The following MGAT4B variants were observed in gnomAD, a reference collection of about 807,000 sequenced individuals.
MGAT4B encodes alpha-1,3-mannosyl-glycoprotein 4-beta-N-acetylglucosaminyltransferase B, also known as N-acetylglucosaminyltransferase IVb.
A neutral mutation model predicts 73.9 loss-of-function variants in MGAT4B; 38 were observed. The observed-to-expected ratio is 0.51, with a 90% confidence interval of 0.40 to 0.67. The LOEUF is 0.67. Ranked by LOEUF, MGAT4B falls within the 30% of genes least tolerant of loss-of-function variation. MGAT4B has a pLI of 0.00. For synonymous variants in MGAT4B, 373 were observed against 313.5 expected, an observed-to-expected ratio of 1.19 and a Z score of -2.01; for missense variants, 686 against 735.2, an observed-to-expected ratio of 0.93 and a Z score of 0.77.
Position 179,797,785 on chromosome 5 carries a change from T to A in MGAT4B, c.*260A>T, listed in dbSNP as rs1202370259. Reference sequence around the variant, plus strand: ...AAAAGCTCTTCTAAAACGGCCTGACTGGGGCAGGCCGGGTGCGAACGGTTC... The same window carrying A: ...AAAAGCTCTTCTAAAACGGCCTGACAGGGGCAGGCCGGGTGCGAACGGTTC... On this transcript the variant is annotated 3_prime_UTR_variant, in exon 15 of 15. Transcript: ENST00000292591. The A allele has an allele frequency of 4.5e-6, 2 of 445,740 alleles. No homozygotes were observed. The highest frequency in any genetic ancestry group is 3.9e-5 in the East Asian group (1 of 25,376). The allele number at this position is 445,740 out of a possible 1,614,324, so 27.6% of individuals were successfully genotyped here. A position where few individuals can be genotyped will look rare whatever the true frequency, so the allele number is the denominator to read the frequency against.
intron 1 of MGAT4B, among the ~76,000 whole-genome samples, chr5:179,804,762 C>T (rs1200708288): frequency 6.6e-6 from 1 of 152,184 alleles, no homozygotes. Context: ...CGACTGGCTA[C>T]GTCTGGTTTC....
intron 1 of MGAT4B, 136 bp from the exon 2 acceptor site, chr5:179,802,105 G>A (rs749362076): frequency 9.0e-6 from 14 of 1,556,928 alleles, no homozygotes; most frequent in East Asian, 2.3e-5. Flanking sequence ...CCTGCCACAC[G>A]TGACATAGCT....
Position 179,799,040 on chromosome 5 carries a change from G to A in MGAT4B, c.1231C>T (p.Gln411Ter). ...AEVSTSLKTY[Q>*]HFTLEKAYLR... is the part of the protein sequence containing the mutation. ...TAGGCTTTCTCCAGGGTGAAGTGCT[G>A]GTATGTCTTCAGGCTCGTGCTCACC... is the stretch of plus-strand genomic sequence containing the variant. Residue 411 changes from glutamine to a stop codon, truncating the protein, a stop_gained, in exon 11 of 15, where the codon CAG becomes TAG. Coordinates refer to ENST00000292591, the MANE Select transcript of MGAT4B (RefSeq NM_014275.5). LOFTEE classifies it high-confidence loss of function. 1.2e-6 allele frequency: 2 copies of A among 1,613,990 alleles called. No homozygotes were observed. Among genetic ancestry groups the A allele is most frequent in the South Asian group, 1.1e-5 (1 of 91,090 alleles).
rs1388766416 is a variant in MGAT4B, at chr5:179,806,516, G to A, written c.68C>T (p.Ser23Phe). ...CTGGCCGCTGAGTGCCGCGTACCAGGACAGCGAGAGGAAGGCGCACAGGCA... is the reference window on the plus strand; with the variant it reads ...CTGGCCGCTGAGTGCCGCGTACCAGAACAGCGAGAGGAAGGCGCACAGGCA... ...LFCLCAFLSL[S>F]WYAALSGQKG... Residue 23 changes from serine to phenylalanine, a missense_variant, in exon 1 of 15, where the codon TCC becomes TTC. By Grantham distance (155) the Ser-to-Phe change is radical. Transcript: ENST00000292591. The surrounding 1 kb of genome is among the most constrained non-coding windows in gnomAD (Gnocchi z 4.6). The A allele has an allele frequency of 7.5e-7, 1 of 1,338,480 alleles. No homozygotes were observed. The highest frequency in any genetic ancestry group is 9.8e-7 in the Non-Finnish European group (1 of 1,019,566). The allele number at this position is 1,338,480 out of a possible 1,614,324, so 82.9% of individuals were successfully genotyped here. A position where few individuals can be genotyped will look rare whatever the true frequency, so the allele number is the denominator to read the frequency against.
Position 179,800,565 on chromosome 5 carries a change from T to C in MGAT4B, c.638A>G (p.Glu213Gly). The change falls in exon 6 of 15, where the codon GAG becomes GGG. Residue 213 changes from glutamate (E) to glycine (G), a missense_variant. Physicochemically the swap from Glu to Gly is moderately conservative, Grantham distance 98. This residue lies in a region of MGAT4B where 449 missense variants were observed against 536.8 expected (regional missense o/e 0.84). Coordinates refer to ENST00000292591, the MANE Select transcript of MGAT4B (RefSeq NM_014275.5). The part of the protein sequence containing the change: ...FPTEIHSGLL[E>G]VISPSPHFYP... ...GAAGTGGGGGGAGGGTGAGATGACC[T>C]CCAGGAGCCCAGAATGGATCTCCGT... 6.2e-7 allele frequency: 1 copy of C among 1,611,572 alleles called. No homozygotes were observed. Among genetic ancestry groups the C allele is most frequent in the Non-Finnish European group, 8.5e-7 (1 of 1,179,412 alleles).
At chr5:179,804,384 G>A (rs752748978) in intron 1 of MGAT4B, among the ~76,000 whole-genome samples, 4 of 152,200 alleles carry the variant, frequency 2.6e-5, no homozygotes, top group Non-Finnish European at 5.9e-5. Flanking sequence ...TGGGGAGGCG[G>A]ACAGCCTGAA....
rs778314434 is a variant in MGAT4B, at chr5:179,798,080, G to A, written c.1624-12C>T. 2.2e-5 allele frequency: 36 copies of A among 1,608,586 alleles called. No homozygotes were observed. Among genetic ancestry groups the A allele is most frequent in the Non-Finnish European group, 2.6e-5 (31 of 1,178,084 alleles). ...TTTTTCAGGAAGATCTGGAAGAGCCGGACCCAGGGTCAGCAGGGCCTCTGA... is the reference window on the plus strand; with the variant it reads ...TTTTTCAGGAAGATCTGGAAGAGCCAGACCCAGGGTCAGCAGGGCCTCTGA... On this transcript the variant is annotated splice_polypyrimidine_tract_variant and intron_variant, in intron 14 of 14. Coordinates refer to ENST00000292591, the MANE Select transcript of MGAT4B (RefSeq NM_014275.5).
At position 179,797,864 on chromosome 5, in the gene MGAT4B, G is replaced by T; in HGVS notation, c.*181C>A. The T allele has an allele frequency of 1.2e-6, 1 of 822,430 alleles. No homozygotes were observed. Among genetic ancestry groups the T allele is most frequent in the South Asian group, 1.9e-5 (1 of 52,756 alleles). The allele number at this position is 822,430 out of a possible 1,614,324, so 50.9% of individuals were successfully genotyped here. ...CTGCCTCCTCCGCGGCCCGGCGGGC[G>T]GGGGCAGCACCAGCTCCTAGGGCCT... On this transcript the variant is annotated 3_prime_UTR_variant, in exon 15 of 15. Coordinates refer to ENST00000292591, the MANE Select transcript of MGAT4B (RefSeq NM_014275.5).
At position 179,798,407 on chromosome 5, in the gene MGAT4B, G is replaced by A. The variant is rs773714351; in HGVS notation, c.1450C>T (p.Gln484Ter). ...CGGAGGGTGGCGGTGCGGCCCTCCT[G>A]CAGGGCCTCCTTGTCTGACTGAGGG... is the stretch of plus-strand genomic sequence containing the variant. ...DNPQSDKEAL[Q>*]EGRTATLRYP... The change falls in exon 13 of 15, where the codon CAG becomes TAG. Residue 484 changes from glutamine to a stop codon, truncating the protein, a stop_gained. Coordinates refer to ENST00000292591, the MANE Select transcript of MGAT4B (RefSeq NM_014275.5). LOFTEE classifies it high-confidence loss of function. 6.2e-7 allele frequency: 1 copy of A among 1,612,576 alleles called. No individual in the cohort carries two copies. The highest frequency in any genetic ancestry group is 8.5e-7 in the Non-Finnish European group (1 of 1,179,850).
chr5:179,798,307 C>A (rs1756741083), intron 13 of MGAT4B, 30 bp from the exon 14 acceptor site: 1 of 1,612,784 alleles, frequency 6.2e-7, no homozygotes, highest in Non-Finnish European at 8.5e-7. Context: ...AGAGGGTGTC[C>A]CTGAACCCCA....
At position 179,798,273 on chromosome 5, in the gene MGAT4B, G is replaced by A. The variant is rs777031623; in HGVS notation, c.1515C>T (p.Ser505=). 3.7e-6 allele frequency: 6 copies of A among 1,612,594 alleles called. No homozygotes were observed. The East Asian group carries it at 6.7e-5, about 18-fold the overall frequency. The change falls in exon 14 of 15, where the codon TCC becomes TCT. Residue 505 remains serine, a synonymous_variant. Transcript: ENST00000292591. ...CTCCCTCTGCCACTCCCTTGTAGAA[G>A]GAGCCTGTGGGAGGGCAGTGGTGAG... ...RSPDGYLQIG[S]FYKGVAEGEV...
rs1490797723 is a variant in MGAT4B at position 179,801,674 on chromosome 5, A to G, written c.304T>C (p.Trp102Arg). 1 of 1,608,544 alleles carries G rather than the reference A, an allele frequency of 6.2e-7. No individual in the cohort carries two copies. The highest frequency in any genetic ancestry group is 1.1e-5 in the South Asian group (1 of 89,900). The change falls in exon 3 of 15, where the codon TGG becomes CGG. Residue 102 changes from tryptophan to arginine, a missense_variant. Physicochemically the swap from Trp to Arg is moderately radical, Grantham distance 101. Transcript: ENST00000292591. This position sits in a 1 kb window ranked among gnomAD's most constrained non-coding sequence, Gnocchi z 4.8. ...AGCACGTGCCGGTGTGAGCCGTTCC[A>G]CGGCTTCAATCGGGGGTCCTCTGGG... ...RLTEDPRLKP[W>R]NGSHRHVLHL...
At position 179,806,509 on chromosome 5, in the gene MGAT4B, G is replaced by GT; in HGVS notation, c.74dup (p.Tyr25Ter). The GT allele has an allele frequency of 7.5e-7, 1 of 1,327,410 alleles. No individual in the cohort carries two copies. Among genetic ancestry groups the GT allele is most frequent in the Non-Finnish European group, 9.9e-7 (1 of 1,013,418 alleles). The allele number at this position is 1,327,410 out of a possible 1,614,324, so 82.2% of individuals were successfully genotyped here. A position where few individuals can be genotyped will look rare whatever the true frequency, so the allele number is the denominator to read the frequency against. Residue 25 changes from tyrosine to a stop codon, truncating the protein, a stop_gained and frameshift_variant, in exon 1 of 15, where the codon TAC (tyrosine) becomes TAAC (stop). Coordinates refer to ENST00000292591, the MANE Select transcript of MGAT4B (RefSeq NM_014275.5). LOFTEE classifies it high-confidence loss of function. This position sits in a 1 kb window ranked among gnomAD's most constrained non-coding sequence, Gnocchi z 4.6. ...CLCAFLSLSW[Y>*]AALSGQKGDV... Reference sequence around the variant, plus strand: ...CACCTTTCTGGCCGCTGAGTGCCGCGTACCAGGACAGCGAGAGGAAGGCGC... The same window carrying GT: ...CACCTTTCTGGCCGCTGAGTGCCGCGTTACCAGGACAGCGAGAGGAAGGCGC...
At chr5:179,800,646 G>C in intron 5 of MGAT4B, 49 bp from the exon 6 acceptor site, 1 of 1,361,658 alleles carries the variant, frequency 7.3e-7, no homozygotes, top group Non-Finnish European at 1.0e-6. Context: ...GGGGCTGAGA[G>C]GGGCCGAGCC....
chr5:179,802,573 G>A (rs937482584), intron 1 of MGAT4B: 45 of 994,066 alleles, frequency 4.5e-5, no homozygotes, highest in Middle Eastern at 1.0e-3. Flanking sequence ...CAACAGCAGC[G>A]AGGGGACTAG....
rs1390276455 is a variant in MGAT4B, at chr5:179,806,574, G to A, written c.10C>T (p.Arg4Cys). The change falls in exon 1 of 15, where the codon CGC (arginine) becomes TGC (cysteine). Residue 4 changes from arginine (R) to cysteine (C), a missense_variant. This residue lies in a region of MGAT4B where 237 missense variants were observed against 198.5 expected (regional missense o/e 1.19). Coordinates refer to ENST00000292591, the MANE Select transcript of MGAT4B (RefSeq NM_014275.5). The surrounding 1 kb of genome is among the most constrained non-coding windows in gnomAD (Gnocchi z 4.6). MRL[R>C]NGTFLTLLLF... ...AGCAGCGTCAGGAAGGTGCCATTGC[G>A]GAGCCTCATCTCCTCGGGTGCGCGG... The A allele has an allele frequency of 1.0e-5, 13 of 1,288,908 alleles. No individual in the cohort carries two copies. Among genetic ancestry groups the A allele is most frequent in the Non-Finnish European group, 1.3e-5 (13 of 990,382 alleles). The allele number at this position is 1,288,908 out of a possible 1,614,324, so 79.8% of individuals were successfully genotyped here.
chr5:179,803,174 A>AG (rs903203892), intron 1 of MGAT4B: 4 of 985,486 alleles, frequency 4.1e-6, no homozygotes, highest in African/African-American at 1.7e-5. Flanking sequence ...TTTAAGGAGC[A>AG]GGGAGCCAGG....
At position 179,801,676 on chromosome 5, in the gene MGAT4B, G is replaced by T; in HGVS notation, c.302C>A (p.Pro101Gln). 6.2e-7 allele frequency: 1 copy of T among 1,608,534 alleles called. No homozygotes were observed. Among genetic ancestry groups the T allele is most frequent in the Admixed American group, 1.7e-5 (1 of 59,328 alleles). Residue 101 changes from proline to glutamine, a missense_variant, in exon 3 of 15, where the codon CCG becomes CAG. Physicochemically the swap from Pro to Gln is moderately conservative, Grantham distance 76. Transcript: ENST00000292591. This position sits in a 1 kb window ranked among gnomAD's most constrained non-coding sequence, Gnocchi z 4.8. ...GRLTEDPRLKPWNGSHRHVLH... is the reference protein window; with the variant it reads ...GRLTEDPRLKQWNGSHRHVLH... ...CACGTGCCGGTGTGAGCCGTTCCAC[G>T]GCTTCAATCGGGGGTCCTCTGGGTG...
Position 179,806,701 on chromosome 5 carries a change from C to T in MGAT4B, c.-118G>A, listed in dbSNP as rs1426847862. The T allele has an allele frequency of 2.1e-5, 2 of 94,572 alleles. No homozygotes were observed. Among genetic ancestry groups the T allele is most frequent in the African/African-American group, 7.9e-5 (2 of 25,326 alleles). The allele number at this position is 94,572 out of a possible 1,614,324, so 5.9% of individuals were successfully genotyped here. A position where few individuals can be genotyped will look rare whatever the true frequency, so the allele number is the denominator to read the frequency against. On this transcript the variant is annotated 5_prime_UTR_variant, in exon 1 of 15. Coordinates refer to ENST00000292591, the MANE Select transcript of MGAT4B (RefSeq NM_014275.5). The surrounding 1 kb of genome is among the most constrained non-coding windows in gnomAD (Gnocchi z 4.6). ...GGCGGCAGGGGCCCCGGCCCCGGGTCGGGGAGGGGCGGGGGGCCCGGGGCC... is the reference window on the plus strand; with the variant it reads ...GGCGGCAGGGGCCCCGGCCCCGGGTTGGGGAGGGGCGGGGGGCCCGGGGCC...
Sources: gnomAD v4.1 joint callset for allele counts (sites outside exome capture counted in the v4.1 genomes callset) on GRCh38, gnomAD v4.1.1 for gene constraint, gnomAD v4.1.1 regional missense constraint, Gnocchi (gnomAD v3.1) non-coding constraint, MANE v1.5 for transcripts, NCBI Gene and HGNC (gene_info 2026-07-23, HGNC 2026-07-21) for gene names.